Variants in SPOCK1 observed in about 807,000 individuals in gnomAD.
SPOCK1 encodes testican-1.
In SPOCK1, 23 loss-of-function variants were observed where a neutral mutation model predicts 55.3. The observed-to-expected ratio is 0.42, with a 90% CI of 0.30 to 0.59. The LOEUF (loss-of-function observed/expected upper bound fraction) is 0.59, where lower values mean the gene tolerates loss of function less well. Among genes scored for constraint, SPOCK1 ranks in the 20% least tolerant of loss-of-function variants. The pLI is 0.22. For missense variants in SPOCK1, 499 were observed against 552.5 expected (o/e 0.90, Z 0.97); for synonymous variants, 226 against 221.0 (o/e 1.02, Z -0.20).
chr5:137,476,786 A>T lies in SPOCK1; in HGVS notation c.186+21587T>A, dbSNP rs1753845744. 2.0e-5 allele frequency among the ~76,000 whole-genome samples: 3 copies of T among 152,288 alleles called. No homozygotes were observed. In the East Asian group the frequency reaches 5.8e-4, roughly 29 times the overall value. On this transcript the variant is annotated intron_variant, in intron 2 of 10. Coordinates refer to ENST00000394945, the MANE Select transcript of SPOCK1 (RefSeq NM_004598.4). ...CTAAAAATACAAAAATCAGCCAGGC[A>T]TGGAGGCAGGTGTCTGTAATCCCAG... is the stretch of plus-strand genomic sequence containing the variant.
intron 5 of SPOCK1, among the ~76,000 whole-genome samples, chr5:137,082,307 A>C (rs1752888389): frequency 1.3e-5 from 2 of 152,224 alleles, no homozygotes; most frequent in South Asian, 4.1e-4. Context: ...GCACAGAAAG[A>C]AGCAGATCTA....
intron 2 of SPOCK1, among the ~76,000 whole-genome samples, chr5:137,459,411 T>A (rs993071381): frequency 6.6e-6 from 1 of 151,542 alleles, no homozygotes; most frequent in Non-Finnish European, 1.5e-5. Flanking sequence ...AAGAGCAGAA[T>A]GTCCTTGCCT....
intron 2 of SPOCK1, among the ~76,000 whole-genome samples, chr5:137,293,743 G>A (rs1009134191): frequency 1.3e-5 from 2 of 152,246 alleles, no homozygotes; most frequent in Admixed American, 1.3e-4. Context: ...TGCACCGGGC[G>A]TGGTGGCTCA....
At chr5:137,138,223 C>T (rs910872791) in intron 4 of SPOCK1, among the ~76,000 whole-genome samples, 4 of 152,198 alleles carry the variant, frequency 2.6e-5, no homozygotes, top group Non-Finnish European at 4.4e-5. Context: ...TCCATGCTCT[C>T]ACCCACTGTA....
Position 137,277,079 on chromosome 5 carries a change from A to G in SPOCK1, c.187-10024T>C, listed in dbSNP as rs527485448. ...ACTCAGGCTGAAGTGCAGTGGCACA[A>G]TTGTAGGTCACTGTAACCTGGAACT... On this transcript the variant is annotated intron_variant, in intron 2 of 10. Coordinates refer to ENST00000394945, the MANE Select transcript of SPOCK1 (RefSeq NM_004598.4). Among the ~76,000 whole-genome samples, 176 of 152,272 alleles carry G rather than the reference A, an allele frequency of 1.2e-3. 1 individual carries two copies. Among genetic ancestry groups the G allele is most frequent in the African/African-American group, 4.0e-3 (165 of 41,554 alleles).
chr5:136,992,851 C>T (rs1750974305), intron 6 of SPOCK1: 1 of 373,972 alleles, frequency 2.7e-6, no homozygotes, highest in Non-Finnish European at 4.8e-6. Context: ...GCTGTGAAAG[C>T]AAGCTGCAGT....
At chr5:137,160,578 A>ATATATTATATATAATATATAT (rs1754519773) in intron 3 of SPOCK1, among the ~76,000 whole-genome samples, 2 of 47,066 alleles carry the variant, frequency 4.2e-5, no homozygotes, top group African/African-American at 1.5e-4. Context: ...ATATTATATA[A>ATATATTATATATAATATATAT]TATATATAAT....
At chr5:137,003,920 G>T (rs1219823752) in intron 6 of SPOCK1, among the ~76,000 whole-genome samples, 1 of 152,082 alleles carries the variant, frequency 6.6e-6, no homozygotes, top group Non-Finnish European at 1.5e-5. Flanking sequence ...GGAGAACACT[G>T]GTACACTTTC....
At chr5:137,205,002 G>A (rs1032126598) in intron 3 of SPOCK1, among the ~76,000 whole-genome samples, 1 of 152,138 alleles carries the variant, frequency 6.6e-6, no homozygotes, top group African/African-American at 2.4e-5. Flanking sequence ...TTTCTCCTAA[G>A]AAGTGATAAT....
At chr5:137,023,989 A>G (rs1018468356) in intron 6 of SPOCK1, among the ~76,000 whole-genome samples, 4 of 104,372 alleles carry the variant, frequency 3.8e-5, no homozygotes, top group Non-Finnish European at 8.5e-5. Context: ...GCTAACTTTA[A>G]CACTTGCATC....
intron 4 of SPOCK1, among the ~76,000 whole-genome samples, chr5:137,116,122 A>G (rs1049195001): frequency 6.6e-6 from 1 of 152,168 alleles, no homozygotes; most frequent in Non-Finnish European, 1.5e-5. Context: ...GGGCAGCCAC[A>G]TCTCCTGCAG....
rs1244789856 is a variant in SPOCK1 at position 137,394,467 on chromosome 5, C to T, written c.186+103906G>A. On this transcript the variant is annotated intron_variant, in intron 2 of 10. Transcript: ENST00000394945. Reference sequence around the variant, plus strand: ...CAAAGGACAGCATTATAATTCATCACAAGGCTGGAATCAGGTCTCAAACCT... The same window carrying T: ...CAAAGGACAGCATTATAATTCATCATAAGGCTGGAATCAGGTCTCAAACCT... Among the ~76,000 whole-genome samples, 8 of 152,220 alleles carry T rather than the reference C, an allele frequency of 5.3e-5. No individual in the cohort carries two copies. The East Asian group carries it at 1.5e-3, about 29-fold the overall frequency.
chr5:137,000,878 T>C (rs1008493369), intron 6 of SPOCK1, among the ~76,000 whole-genome samples: 10 of 151,902 alleles, frequency 6.6e-5, no homozygotes, highest in African/African-American at 2.2e-4. Flanking sequence ...CTACTAAAAA[T>C]ACAAAAATTA....
chr5:137,142,964 G>A (rs562243352), intron 3 of SPOCK1, among the ~76,000 whole-genome samples: 61 of 152,306 alleles, frequency 4.0e-4, no homozygotes, highest in Non-Finnish European at 6.8e-4. Context: ...CACTAATGAT[G>A]AAAGTTTCTC....
chr5:137,330,769 T>A (rs1758161911), intron 2 of SPOCK1, among the ~76,000 whole-genome samples: 1 of 152,182 alleles, frequency 6.6e-6, no homozygotes. Flanking sequence ...ATCTTCCCAG[T>A]CCCACATTCA....
At chr5:137,148,261 GGC>G (rs1237114550) in intron 3 of SPOCK1, among the ~76,000 whole-genome samples, 1 of 152,192 alleles carries the variant, frequency 6.6e-6, no homozygotes, top group Non-Finnish European at 1.5e-5. Flanking sequence ...GGAATTGCTT[GGC>G]CCCTCTGCTC....
intron 3 of SPOCK1, among the ~76,000 whole-genome samples, chr5:137,142,523 G>A (rs941755098): frequency 3.3e-5 from 5 of 152,288 alleles, no homozygotes; most frequent in African/African-American, 7.2e-5. Context: ...CCCAGGGCCC[G>A]GTCCTAGGGG....
At chr5:137,303,962 A>G (rs1208975498) in intron 2 of SPOCK1, among the ~76,000 whole-genome samples, 1 of 152,162 alleles carries the variant, frequency 6.6e-6, no homozygotes, top group Non-Finnish European at 1.5e-5. Flanking sequence ...GGAGTCTCTC[A>G]GTGTTGCAGA....
intron 3 of SPOCK1, among the ~76,000 whole-genome samples, chr5:137,247,045 C>T (rs1270695830): frequency 6.6e-6 from 1 of 152,178 alleles, no homozygotes; most frequent in Admixed American, 6.5e-5. Context: ...TGGAGGACAT[C>T]TAAAGTTGAA....
Sources: gnomAD v4.1 joint callset for allele counts (sites outside exome capture counted in the v4.1 genomes callset) on GRCh38, gnomAD v4.1.1 for gene constraint, MANE v1.5 for transcripts, NCBI Gene and HGNC (gene_info 2026-07-23, HGNC 2026-07-21) for gene names.